The following LONP2 variants were observed in gnomAD, a reference collection of about 807,000 sequenced individuals.
LONP2 encodes the protein lon peptidase 2, peroxisomal.
In LONP2, 60 loss-of-function variants were observed where a neutral mutation model predicts 85.6. That is an observed-to-expected ratio of 0.70 (90% confidence interval 0.57 to 0.87). The LOEUF is 0.87. Among genes scored for constraint, LONP2 ranks in the 40% least tolerant of loss-of-function variants. The pLI, the probability that LONP2 is intolerant of heterozygous loss-of-function variation, is 0.00. For synonymous variants in LONP2, 395 were observed against 389.7 expected (o/e 1.01, Z -0.16); for missense variants, 860 against 1,063.5 (o/e 0.81, Z 2.66).
chr16:48,260,170 T>C (rs1489973420), intron 4 of LONP2, among the ~76,000 whole-genome samples: 1 of 152,234 alleles, frequency 6.6e-6, no homozygotes, highest in Non-Finnish European at 1.5e-5. Context: ...TTTTATCTGC[T>C]GATGACTTAT....
At chr16:48,262,387 A>G (rs1483665513) in intron 5 of LONP2, among the ~76,000 whole-genome samples, 2 of 152,248 alleles carry the variant, frequency 1.3e-5, no homozygotes, top group Non-Finnish European at 2.9e-5. Context: ...AAAGGGACAC[A>G]CACTAGTAAG....
intron 1 of LONP2, among the ~76,000 whole-genome samples, chr16:48,251,472 G>A (rs1971646791): frequency 1.3e-5 from 2 of 152,192 alleles, no homozygotes; most frequent in South Asian, 4.1e-4. Context: ...TAGGTAAAAT[G>A]ATTACCACTT....
At position 48,355,340 on chromosome 16, in the gene LONP2, C is replaced by A. The variant is rs1960301469; in HGVS notation, c.*3538C>A. The A allele has an allele frequency of 6.6e-6, 1 of 152,128 alleles. No individual in the cohort carries two copies. The highest frequency in any genetic ancestry group is 2.4e-5 in the African/African-American group (1 of 41,414). 9.4% of individuals were successfully genotyped at this position (152,128 alleles called of 1,614,324 possible). ...AGGGGCTCAAGGGAACCAATTACCT[C>A]CTTTTTGCCCTTCGATTCCCTTCCA... On this transcript the variant is annotated 3_prime_UTR_variant, in exon 15 of 15. Transcript: ENST00000285737.
intron 11 of LONP2, among the ~76,000 whole-genome samples, chr16:48,328,137 G>A (rs764342458): frequency 7.9e-5 from 12 of 152,164 alleles, no homozygotes; most frequent in Non-Finnish European, 1.5e-4. Flanking sequence ...AAAAGGCCAG[G>A]TACAGTGGCT....
rs1396892159 is a variant in LONP2, at chr16:48,355,375, GAC to G, written c.*3577_*3578del. On this transcript the variant is annotated 3_prime_UTR_variant, in exon 15 of 15. Transcript: ENST00000285737. ...CTTCGATTCCCTTCCACCATATGAGGACACAGCAACAGGCCCCGTCCTAGAAG... is the reference window on the plus strand; with the variant it reads ...CTTCGATTCCCTTCCACCATATGAGGACAGCAACAGGCCCCGTCCTAGAAG... The G allele has an allele frequency of 1.3e-5, 2 of 152,128 alleles. No individual in the cohort carries two copies. The highest frequency in any genetic ancestry group is 2.9e-5 in the Non-Finnish European group (2 of 68,032). The allele number at this position is 152,128 out of a possible 1,614,324, so 9.4% of individuals were successfully genotyped here.
Position 48,311,472 on chromosome 16 carries a change from A to G in LONP2, c.1795+8167A>G, listed in dbSNP as rs181833415. ...TTGAAGCTTTCAAATGTATTTTATA[A>G]TTCCTTCAATGAATTTTTTATTTCC... On this transcript the variant is annotated intron_variant, in intron 11 of 14. Coordinates refer to ENST00000285737, the MANE Select transcript of LONP2 (RefSeq NM_031490.5). Among the ~76,000 whole-genome samples, 641 of 151,496 alleles carry G rather than the reference A, an allele frequency of 4.2e-3. 2 individuals carry two copies. Among genetic ancestry groups the G allele is most frequent in the Admixed American group, 7.5e-3 (114 of 15,202 alleles).
intron 11 of LONP2, among the ~76,000 whole-genome samples, chr16:48,318,868 T>C (rs1343013614): frequency 6.6e-6 from 1 of 152,180 alleles, no homozygotes; most frequent in Non-Finnish European, 1.5e-5. Context: ...TGCCATTGAC[T>C]TTGCAAGCCC....
chr16:48,246,719 C>T (rs554865719), intron 1 of LONP2, among the ~76,000 whole-genome samples: 2 of 152,130 alleles, frequency 1.3e-5, no homozygotes, highest in South Asian at 2.1e-4. Context: ...GGACTATAGG[C>T]GTGCACCACT....
At chr16:48,343,305 T>C (rs1959869008) in intron 12 of LONP2, among the ~76,000 whole-genome samples, 1 of 152,212 alleles carries the variant, frequency 6.6e-6, no homozygotes, top group Non-Finnish European at 1.5e-5. Flanking sequence ...ACAATTTCAA[T>C]CAAATATCAC....
At chr16:48,257,401 A>G (rs942551138) in intron 3 of LONP2, among the ~76,000 whole-genome samples, 3 of 152,142 alleles carry the variant, frequency 2.0e-5, no homozygotes, top group Non-Finnish European at 4.4e-5. Flanking sequence ...CCCTTCCCTT[A>G]TGTGTGGACC....
At chr16:48,247,741 A>G (rs1213617116) in intron 1 of LONP2, among the ~76,000 whole-genome samples, 1 of 152,230 alleles carries the variant, frequency 6.6e-6, no homozygotes, top group Non-Finnish European at 1.5e-5. Context: ...TATCCTTTCA[A>G]GCATTTCAAG....
chr16:48,277,431 C>G lies in LONP2; in HGVS notation c.1335C>G (p.Asp445Glu). 6.2e-7 allele frequency: 1 copy of G among 1,613,744 alleles called. No homozygotes were observed. Among genetic ancestry groups the G allele is most frequent in the Non-Finnish European group, 8.5e-7 (1 of 1,179,824 alleles). Residue 445 changes from aspartate to glutamate, a missense_variant, in exon 8 of 15, where the codon GAC (aspartate) becomes GAG (glutamate). Physicochemically the swap from Asp to Glu is conservative, Grantham distance 45 (BLOSUM62 2). Around this residue, in one of 3 missense-constraint regions of LONP2, gnomAD observed 743 missense variants for 917.3 expected, o/e 0.81. Transcript: ENST00000285737. ...CAGTGTTCCTATTAGATGAGGTTGA[C>G]AAACTGGGAAAAAGTCTACAGGGTG... ...NNPVFLLDEV[D>E]KLGKSLQGDP...
chr16:48,355,809 A>C lies in LONP2; in HGVS notation c.*4007A>C, dbSNP rs1436349128. 6.6e-6 allele frequency: 1 copy of C among 152,238 alleles called. No homozygotes were observed. The highest frequency in any genetic ancestry group is 6.5e-5 in the Admixed American group (1 of 15,290). The allele number at this position is 152,238 out of a possible 1,614,324, so 9.4% of individuals were successfully genotyped here. ...CCCAAAGACCCCTTGTATCAAAATA[A>C]GCTGGATTTTTTTATTGAAAATTAT... On this transcript the variant is annotated 3_prime_UTR_variant, in exon 15 of 15. Coordinates refer to ENST00000285737, the MANE Select transcript of LONP2 (RefSeq NM_031490.5).
chr16:48,299,930 T>C (rs1026883694), intron 10 of LONP2, 142 bp downstream of exon 10: 2 of 783,238 alleles, frequency 2.6e-6, no homozygotes, highest in Non-Finnish European at 3.9e-6. Context: ...GAGATTAGTT[T>C]ATTGGCATCC....
intron 11 of LONP2, among the ~76,000 whole-genome samples, chr16:48,326,159 T>C (rs1023716124): frequency 3.9e-5 from 6 of 152,244 alleles, no homozygotes; most frequent in African/African-American, 1.4e-4. Flanking sequence ...TCTTCCTGAA[T>C]TCTGCTAAGC....
At chr16:48,316,439 G>C (rs1973147339) in intron 11 of LONP2, among the ~76,000 whole-genome samples, 1 of 142,098 alleles carries the variant, frequency 7.0e-6, no homozygotes, top group South Asian at 2.2e-4. Context: ...TGATTCTCTT[G>C]CTTCAGCCTC....
Position 48,362,970 on chromosome 16 carries a change from AAATTTTTAAAATAC to A in LONP2, c.*1109_*1122del, listed in dbSNP as rs1035271186. 6.0e-5 allele frequency: 10 copies of A among 165,858 alleles called. No homozygotes were observed. Among genetic ancestry groups the A allele is most frequent in the African/African-American group, 2.4e-4 (10 of 41,402 alleles). 10.3% of individuals were successfully genotyped at this position (165,858 alleles called of 1,614,324 possible). On this transcript the variant is annotated 3_prime_UTR_variant, in exon 5 of 5. Transcript: ENST00000565867. This position sits in a 1 kb window ranked among gnomAD's most constrained non-coding sequence, Gnocchi z 4.2. The stretch of plus-strand genomic sequence containing the variant: ...TTCAGAAAAATTTATAAAGAATACA[AAATTTTTAAAATAC>A]AGTCTATAACAACTATTTACATATT...
chr16:48,311,576 G>A (rs1973032196), intron 11 of LONP2, among the ~76,000 whole-genome samples: 1 of 151,644 alleles, frequency 6.6e-6, no homozygotes, highest in Non-Finnish European at 1.5e-5. Context: ...CTGATTTTCT[G>A]ACTTCTTTGT....
intron 1 of LONP2, 117 bp from the exon 2 acceptor site, chr16:48,252,014 T>C: frequency 1.4e-6 from 1 of 729,300 alleles, no homozygotes; most frequent in Non-Finnish European, 2.0e-6. Flanking sequence ...AAAATTTATT[T>C]ACACTTCAGA....
Sources: allele counts gnomAD v4.1 joint callset (sites outside exome capture counted in the v4.1 genomes callset), GRCh38; gene constraint gnomAD v4.1.1; regional missense constraint gnomAD v4.1.1; non-coding constraint Gnocchi (gnomAD v3.1); transcripts MANE v1.5; gene names NCBI Gene and HGNC (gene_info 2026-07-23, HGNC 2026-07-21).